TMTC4: variants seen among roughly 807,000 people sequenced by gnomAD.
The protein encoded by TMTC4 is transmembrane O-mannosyltransferase targeting cadherins 4, also known as protein O-mannosyl-transferase TMTC4.
TMTC4 carries 65 observed loss-of-function variants against 86.0 expected under a neutral mutation model. That is an observed-to-expected ratio of 0.76 (90% confidence interval 0.62 to 0.93). The LOEUF (loss-of-function observed/expected upper bound fraction) is 0.93. Among genes scored for constraint, TMTC4 ranks in the 40% least tolerant of loss-of-function variants. The pLI, the probability that TMTC4 is intolerant of heterozygous loss-of-function variation, is 0.00. For missense variants in TMTC4, 866 were observed against 948.1 expected (o/e 0.91, Z 1.14); for synonymous variants, 379 against 382.5 (o/e 0.99, Z 0.11).
At chr13:100,629,316 C>T (rs888713291) in intron 12 of TMTC4, among the ~76,000 whole-genome samples, 6 of 152,100 alleles carry the variant, frequency 3.9e-5, no homozygotes, top group East Asian at 1.9e-4. Context: ...ACAACAGTCA[C>T]GGTGAATGGT....
chr13:100,626,292 A>G, intron 12 of TMTC4, 142 bp from the exon 13 acceptor site: 1 of 782,226 alleles, frequency 1.3e-6, no homozygotes, highest in Non-Finnish European at 2.1e-6. Flanking sequence ...AAAACCCTAC[A>G]GGGGTTAGGA....
intron 18 of TMTC4, 98 bp downstream of exon 18, chr13:100,606,260 T>G: frequency 9.5e-7 from 1 of 1,051,130 alleles, no homozygotes; most frequent in Non-Finnish European, 1.4e-6. Flanking sequence ...AGGCTAGCTT[T>G]GAAAAAACTA....
At chr13:100,658,504 A>G (rs1325193859) in intron 5 of TMTC4, among the ~76,000 whole-genome samples, 2 of 152,070 alleles carry the variant, frequency 1.3e-5, no homozygotes, top group African/African-American at 2.4e-5. Context: ...AGCCTGTCCG[A>G]AGGGGACCAC....
At chr13:100,647,150 T>C (rs1459169659) in intron 6 of TMTC4, among the ~76,000 whole-genome samples, 2 of 152,256 alleles carry the variant, frequency 1.3e-5, no homozygotes, top group Non-Finnish European at 2.9e-5. Flanking sequence ...CCGTGACACA[T>C]GTTCCTGAGT....
intron 7 of TMTC4, chr13:100,638,939 T>C (rs532176092): frequency 6.6e-6 from 1 of 152,362 alleles, no homozygotes; most frequent in South Asian, 2.1e-4. Context: ...ACCACGATAG[T>C]TACTTTCTAG....
intron 12 of TMTC4, among the ~76,000 whole-genome samples, chr13:100,630,824 C>T (rs1038935766): frequency 1.9e-4 from 29 of 152,148 alleles, no homozygotes; most frequent in Non-Finnish European, 2.9e-5. Flanking sequence ...ACTCAGAATG[C>T]CAGAGACCAG....
chr13:100,628,815 A>G (rs1387873768), intron 12 of TMTC4, among the ~76,000 whole-genome samples: 1 of 152,164 alleles, frequency 6.6e-6, no homozygotes, highest in Non-Finnish European at 1.5e-5. Context: ...AACTAAGCCT[A>G]AGGCAGCCAG....
In TMTC4 at chr13:100,619,203, C is replaced by T. The variant is rs558249046; in HGVS notation, c.1837-4773G>A. ...CCACCTCCCTCCTGGATGGGGCGGC[C>T]GGCCGGGCAGAGGGGCTCCTCACTT... On this transcript the variant is annotated intron_variant, in intron 15 of 18. Transcript: ENST00000342624. Among the ~76,000 whole-genome samples, 444 of 152,220 alleles carry T rather than the reference C, an allele frequency of 2.9e-3. 4 individuals carry two copies. The highest frequency in any genetic ancestry group is 0.01 in the African/African-American group (421 of 41,570).
In TMTC4 at chr13:100,664,306, G is replaced by A. The variant is rs1285072449; in HGVS notation, c.250C>T (p.Leu84=). The change falls in exon 4 of 19, where the codon CTG becomes TTG. Residue 84 remains leucine (L), a synonymous_variant. Coordinates refer to ENST00000342624, the MANE Select transcript of TMTC4 (RefSeq NM_032813.5). ...CTGCCCCAGAAGTCATGATGCCACA[G>A]GTCCCCCAGGGGCGTTTCTGCTTGG... ...DLQAETPLGD[L]WHHDFWGSRL... The A allele has an allele frequency of 1.9e-6, 3 of 1,611,128 alleles. No homozygotes were observed. The highest frequency in any genetic ancestry group is 2.5e-6 in the Non-Finnish European group (3 of 1,178,606).
chr13:100,615,453 T>C (rs1003577062), intron 15 of TMTC4, among the ~76,000 whole-genome samples: 3 of 151,480 alleles, frequency 2.0e-5, no homozygotes, highest in African/African-American at 7.3e-5. Flanking sequence ...TGTACGTATT[T>C]AGAAACAGAG....
chr13:100,666,921 C>T (rs1458115527), intron 3 of TMTC4, among the ~76,000 whole-genome samples: 3 of 152,212 alleles, frequency 2.0e-5, no homozygotes, highest in African/African-American at 4.8e-5. Flanking sequence ...GCCCAGGCAT[C>T]GGAGGCTGCA....
intron 1 of TMTC4, chr13:100,674,491 G>GCGGGCA (rs200241124): frequency 0.32 from 302,990 of 948,028 alleles, 50,601 homozygotes; most frequent in Admixed American, 0.37. Context: ...CGAGCGCGGC[G>GCGGGCA]GGCGGGGCGC....
chr13:100,638,683 T>C (rs541844202), intron 7 of TMTC4: 2 of 152,300 alleles, frequency 1.3e-5, no homozygotes, highest in Admixed American at 1.3e-4. Context: ...ACACGTACCA[T>C]TTTGGATGTT....
chr13:100,646,057 T>C (rs1018267062), intron 6 of TMTC4, among the ~76,000 whole-genome samples: 2 of 152,138 alleles, frequency 1.3e-5, no homozygotes, highest in Admixed American at 6.5e-5. Context: ...GTGTGGTCCA[T>C]GAACCTGCAC....
chr13:100,662,599 T>G (rs1885913606), intron 5 of TMTC4, among the ~76,000 whole-genome samples: 1 of 152,132 alleles, frequency 6.6e-6, no homozygotes, highest in Non-Finnish European at 1.5e-5. Flanking sequence ...GCCTCTGAAC[T>G]TTAGACCCCG....
At chr13:100,648,281 G>A (rs1303902036) in intron 6 of TMTC4, among the ~76,000 whole-genome samples, 1 of 151,984 alleles carries the variant, frequency 6.6e-6, no homozygotes, top group Non-Finnish European at 1.5e-5. Flanking sequence ...TCCCAGGTGG[G>A]ATGTGTTGTT....
intron 13 of TMTC4, 61 bp from the exon 14 acceptor site, chr13:100,625,953 C>G: frequency 6.3e-7 from 1 of 1,595,624 alleles, no homozygotes; most frequent in East Asian, 2.2e-5. Context: ...TTTTACTAAA[C>G]TCTCAGGAAT....
intron 17 of TMTC4, among the ~76,000 whole-genome samples, chr13:100,608,655 T>C (rs925658638): frequency 6.6e-6 from 1 of 152,180 alleles, no homozygotes; most frequent in Non-Finnish European, 1.5e-5. Context: ...TGTTCATCTA[T>C]TAAATCAGCC....
chr13:100,616,790 T>A (rs1392133138), intron 15 of TMTC4, among the ~76,000 whole-genome samples: 1 of 151,050 alleles, frequency 6.6e-6, no homozygotes, highest in Non-Finnish European at 1.5e-5. Context: ...CATTTTCTCA[T>A]ATGTTTGTTA....
Sources: gnomAD v4.1 joint callset for allele counts (sites outside exome capture counted in the v4.1 genomes callset) on GRCh38, gnomAD v4.1.1 for gene constraint, MANE v1.5 for transcripts, NCBI Gene and HGNC (gene_info 2026-07-23, HGNC 2026-07-21) for gene names.